HCN1: variants seen among roughly 807,000 people sequenced by gnomAD.
HCN1 encodes the protein hyperpolarization activated cyclic nucleotide gated potassium channel 1.
A neutral mutation model predicts 78.9 loss-of-function variants in HCN1; 13 were observed. The observed-to-expected ratio is 0.16, with a 90% CI of 0.11 to 0.26. The LOEUF (loss-of-function observed/expected upper bound fraction) is 0.26, where lower values mean the gene tolerates loss of function less well. Among genes scored for constraint, HCN1 ranks in the 10% least tolerant of loss-of-function variants. HCN1 has a pLI of 1.00. For synonymous variants in HCN1, 552 were observed against 455.5 expected (o/e 1.21, Z -2.70); for missense variants, 810 against 1,154.3 (o/e 0.70, Z 4.32).
intron 6 of HCN1, among the ~76,000 whole-genome samples, chr5:45,293,922 T>C (rs1745432220): frequency 6.6e-6 from 1 of 151,780 alleles, no homozygotes; most frequent in Admixed American, 6.6e-5. Context: ...ATTACTTCAT[T>C]TACCCTCACC....
intron 6 of HCN1, among the ~76,000 whole-genome samples, chr5:45,267,509 C>A (rs1259256112): frequency 2.0e-5 from 3 of 150,940 alleles, no homozygotes; most frequent in African/African-American, 7.3e-5. Context: ...GTGGCTCACG[C>A]CTGTAATCCC....
chr5:45,524,016 C>A (rs1002116918), intron 2 of HCN1, among the ~76,000 whole-genome samples: 2 of 152,088 alleles, frequency 1.3e-5, no homozygotes, highest in African/African-American at 4.8e-5. Flanking sequence ...AGTCTTTAAT[C>A]CATCTTGAAT....
At chr5:45,273,985 G>T (rs1183531662) in intron 6 of HCN1, among the ~76,000 whole-genome samples, 2 of 152,048 alleles carry the variant, frequency 1.3e-5, no homozygotes, top group Admixed American at 1.3e-4. Context: ...GACTAGGAAA[G>T]AACATTAAAT....
Position 45,396,486 on chromosome 5 carries a change from A to C in HCN1, c.1230+6T>G. 1 of 1,611,714 alleles carries C rather than the reference A, an allele frequency of 6.2e-7. No homozygotes were observed. Among genetic ancestry groups the C allele is most frequent in the Non-Finnish European group, 8.5e-7 (1 of 1,178,780 alleles). On this transcript the variant is annotated splice_donor_region_variant and intron_variant, in intron 4 of 7. Coordinates refer to ENST00000303230, the MANE Select transcript of HCN1 (RefSeq NM_021072.4). The stretch of plus-strand genomic sequence containing the variant: ...AAAGACATTGGCGATAAATAAAACA[A>C]ATTACCTTCTCTTGATACTGCCGCC...
At chr5:45,552,327 A>G (rs1252398580) in intron 2 of HCN1, among the ~76,000 whole-genome samples, 1 of 151,960 alleles carries the variant, frequency 6.6e-6, no homozygotes, top group Admixed American at 6.6e-5. Context: ...GTATACCTTA[A>G]AAAACAGGCA....
intron 2 of HCN1, chr5:45,644,859 G>A: frequency 2.9e-6 from 1 of 340,686 alleles, no homozygotes; most frequent in East Asian, 5.2e-5. Flanking sequence ...GGTACTTGAT[G>A]TATTTATATT....
At position 45,695,875 on chromosome 5, in the gene HCN1, GCCGCCGCCGCCGCCGCCA is replaced by G. The variant is rs774065762; in HGVS notation, c.201_218del (p.Gly69_Gly74del). 84 of 1,513,290 alleles carry G rather than the reference GCCGCCGCCGCCGCCGCCA, an allele frequency of 5.6e-5. No homozygotes were observed. The highest frequency in any genetic ancestry group is 6.1e-5 in the Non-Finnish European group (69 of 1,130,186). The allele number at this position is 1,513,290 out of a possible 1,614,324, so 93.7% of individuals were successfully genotyped here. A position where few individuals can be genotyped will look rare whatever the true frequency, so the allele number is the denominator to read the frequency against. ...CGAAGCCCCCCGCCGGCTCCTCGCCGCCGCCGCCGCCGCCGCCACCGCCGCCACCGCCGTCCACCTTGA... is the reference window on the plus strand; with the variant it reads ...CGAAGCCCCCCGCCGGCTCCTCGCCGCCGCCGCCACCGCCGTCCACCTTGA... On this transcript the variant is annotated inframe_deletion, in exon 1 of 8. Coordinates refer to ENST00000303230, the MANE Select transcript of HCN1 (RefSeq NM_021072.4).
intron 6 of HCN1, among the ~76,000 whole-genome samples, chr5:45,292,953 C>T (rs528525194): frequency 6.6e-6 from 1 of 152,068 alleles, no homozygotes; most frequent in African/African-American, 2.4e-5. Context: ...TTTAAATTTA[C>T]ATATGAAATA....
intron 1 of HCN1, among the ~76,000 whole-genome samples, chr5:45,688,565 G>T (rs1410827592): frequency 6.6e-6 from 1 of 152,030 alleles, no homozygotes; most frequent in Non-Finnish European, 1.5e-5. Context: ...TGACCTGCTT[G>T]GAGAATAATT....
intron 1 of HCN1, among the ~76,000 whole-genome samples, chr5:45,659,773 G>A (rs1040223596): frequency 8.7e-6 from 1 of 115,334 alleles, no homozygotes; most frequent in African/African-American, 3.8e-5. Context: ...AAAAAGAAAT[G>A]AGCAAAGCCT....
intron 5 of HCN1, among the ~76,000 whole-genome samples, chr5:45,339,513 A>C (rs535338871): frequency 2.0e-5 from 3 of 152,308 alleles, no homozygotes; most frequent in African/African-American, 7.2e-5. Flanking sequence ...AGACTAAGGC[A>C]GGCCATGAAG....
At chr5:45,503,599 T>C (rs954906210) in intron 2 of HCN1, among the ~76,000 whole-genome samples, 1 of 152,352 alleles carries the variant, frequency 6.6e-6, no homozygotes, top group Non-Finnish European at 1.5e-5. Context: ...ATAATATTTT[T>C]ATATGTTTTA....
intron 2 of HCN1, among the ~76,000 whole-genome samples, chr5:45,519,771 C>T (rs1027356884): frequency 1.3e-5 from 2 of 151,612 alleles, no homozygotes; most frequent in Non-Finnish European, 2.9e-5. Context: ...TATTTTCTGT[C>T]TTTTACAAAC....
chr5:45,500,146 T>C (rs1213063993), intron 2 of HCN1, among the ~76,000 whole-genome samples: 2 of 152,156 alleles, frequency 1.3e-5, no homozygotes, highest in African/African-American at 4.8e-5. Flanking sequence ...CCATGACTGG[T>C]GACATTTAAA....
At chr5:45,498,130 C>T (rs1742090346) in intron 2 of HCN1, among the ~76,000 whole-genome samples, 1 of 152,128 alleles carries the variant, frequency 6.6e-6, no homozygotes, top group Admixed American at 6.5e-5. Flanking sequence ...TGAATGTTGG[C>T]CTGCCTTGCT....
At chr5:45,299,942 A>G (rs756367208) in intron 6 of HCN1, among the ~76,000 whole-genome samples, 1 of 152,004 alleles carries the variant, frequency 6.6e-6, no homozygotes, top group Non-Finnish European at 1.5e-5. Flanking sequence ...TTACATCAAG[A>G]AAAAATAGTT....
At chr5:45,559,527 G>A (rs1743551418) in intron 2 of HCN1, 1 of 152,234 alleles carries the variant, frequency 6.6e-6, no homozygotes. Context: ...AGTGGAGGAA[G>A]TAACTACACA....
intron 1 of HCN1, among the ~76,000 whole-genome samples, chr5:45,658,360 A>G (rs1239687099): frequency 6.6e-6 from 1 of 152,198 alleles, no homozygotes; most frequent in Non-Finnish European, 1.5e-5. Context: ...ACCAAAAGCA[A>G]TGGTAATGAA....
intron 5 of HCN1, among the ~76,000 whole-genome samples, chr5:45,346,488 A>G (rs1746713162): frequency 6.6e-6 from 1 of 151,992 alleles, no homozygotes; most frequent in Non-Finnish European, 1.5e-5. Context: ...GGTTCATCTC[A>G]CTAGGGAGTA....
Sources: allele counts gnomAD v4.1 joint callset (sites outside exome capture counted in the v4.1 genomes callset), GRCh38; gene constraint gnomAD v4.1.1; transcripts MANE v1.5; gene names NCBI Gene and HGNC (gene_info 2026-07-23, HGNC 2026-07-21).